BBIP1: variants seen among roughly 807,000 people sequenced by gnomAD.
The protein encoded by BBIP1 is BBSome-interacting protein 1.
BBIP1 carries 6 observed loss-of-function variants against 8.9 expected under a neutral mutation model. That is an observed-to-expected ratio of 0.67 (90% CI 0.37 to 1.33). BBIP1 has a LOEUF of 1.33. Among genes scored for constraint, BBIP1 ranks in the 40% most tolerant of loss-of-function variants. BBIP1 has a pLI of 0.02. For synonymous variants in BBIP1, 32 were observed against 33.4 expected, an observed-to-expected ratio of 0.96 and a Z score of 0.14; for missense variants, 111 against 109.2, an observed-to-expected ratio of 1.02 and a Z score of -0.07.
chr10:110,918,247 C>T (rs922136219), intron 1 of BBIP1, 34 bp from the exon 2 acceptor site: 12 of 1,143,962 alleles, frequency 1.0e-5, no homozygotes, highest in Admixed American at 2.1e-5. Context: ...TTGTAAAGGG[C>T]CATATAAAAG....
intron 2 of BBIP1, among the ~76,000 whole-genome samples, chr10:110,914,773 G>GA (rs370501029): frequency 6.6e-6 from 1 of 152,126 alleles, no homozygotes; most frequent in African/African-American, 2.4e-5. Flanking sequence ...CTAAGAATGG[G>GA]AATTCTTGGG....
At chr10:110,916,131 T>G (rs1846396191) in intron 2 of BBIP1, among the ~76,000 whole-genome samples, 1 of 152,036 alleles carries the variant, frequency 6.6e-6, no homozygotes, top group South Asian at 2.1e-4. Context: ...TTATTTTGCC[T>G]TACTTAAATC....
chr10:110,917,009 C>T (rs1336682836), intron 2 of BBIP1, among the ~76,000 whole-genome samples: 1 of 152,062 alleles, frequency 6.6e-6, no homozygotes, highest in South Asian at 2.1e-4. Flanking sequence ...TGTGACATAT[C>T]CTTGCAAAAA....
At chr10:110,907,174 A>C (rs1389141609) in intron 2 of BBIP1, 5 of 152,332 alleles carry the variant, frequency 3.3e-5, no homozygotes, top group Non-Finnish European at 7.3e-5. Flanking sequence ...TGTCATAGTA[A>C]GATTCTACCA....
At chr10:110,919,218 G>GA (rs1159421067), upstream of BBIP1, 17 of 185,042 alleles carry the variant, frequency 9.2e-5, no homozygotes, top group Admixed American at 5.0e-4. Context: ...AGGAAGCCAG[G>GA]AATCTCCTTT....
At chr10:110,918,013 G>T in intron 2 of BBIP1, 108 bp downstream of exon 2, 4 of 935,156 alleles carry the variant, frequency 4.3e-6, no homozygotes, top group East Asian at 5.3e-5. Flanking sequence ...AACAAGAGTA[G>T]TTCATTTTGG....
intron 2 of BBIP1, among the ~76,000 whole-genome samples, chr10:110,905,965 T>C (rs189563253): frequency 6.6e-6 from 1 of 151,638 alleles, no homozygotes; most frequent in East Asian, 1.9e-4. Flanking sequence ...TGGACCTCTA[T>C]TTCCAACCCA....
chr10:110,904,225 G>A (rs1409027344), intron 2 of BBIP1: 1 of 151,588 alleles, frequency 6.6e-6, no homozygotes, highest in Non-Finnish European at 1.5e-5. Flanking sequence ...CAATTGCCAT[G>A]GCCATTTAAT....
At position 110,900,537 on chromosome 10, in the gene BBIP1, C is replaced by T. The variant is rs548345581; in HGVS notation, c.113-11G>A. On this transcript the variant is annotated splice_polypyrimidine_tract_variant and intron_variant, in intron 3 of 3. Transcript: ENST00000448814. The stretch of plus-strand genomic sequence containing the variant: ...CCACAAACAGTGGCCCTAAGTTTAA[C>T]AAGAAATAAGAATTAATTCAAGAAA... 1.0e-4 allele frequency: 150 copies of T among 1,506,944 alleles called. No homozygotes were observed. Among genetic ancestry groups the T allele is most frequent in the Non-Finnish European group, 1.8e-5 (20 of 1,134,476 alleles). 93.3% of individuals were successfully genotyped at this position (1,506,944 alleles called of 1,614,324 possible).
intron 2 of BBIP1, among the ~76,000 whole-genome samples, chr10:110,916,267 G>C (rs1212753131): frequency 6.6e-6 from 1 of 152,140 alleles, no homozygotes; most frequent in African/African-American, 2.4e-5. Flanking sequence ...TGTCCTCCCA[G>C]AGCATTTTCT....
intron 2 of BBIP1, chr10:110,907,769 C>T: frequency 1.4e-6 from 1 of 702,368 alleles, no homozygotes; most frequent in Admixed American, 2.0e-5. Context: ...GATACAATAA[C>T]CACGTTGTTC....
intron 2 of BBIP1, among the ~76,000 whole-genome samples, chr10:110,910,372 A>G (rs1452090010): frequency 6.6e-6 from 1 of 152,238 alleles, no homozygotes; most frequent in Admixed American, 6.5e-5. Context: ...GTTCACACTC[A>G]GTCTGCAACG....
rs574378438 is a variant in BBIP1, at chr10:110,916,777, G to A, written c.37+1344C>T. 3.3e-5 allele frequency among the ~76,000 whole-genome samples: 5 copies of A among 152,230 alleles called. 1 individual carries two copies. In the South Asian group the frequency reaches 1.0e-3, roughly 32 times the overall value. On this transcript the variant is annotated intron_variant, in intron 2 of 3. Transcript: ENST00000448814. ...GTCATTGCATCAGCTCCAAGAATAGGCAAAGTAGCAGCAACACTTTATTAA... is the reference window on the plus strand; with the variant it reads ...GTCATTGCATCAGCTCCAAGAATAGACAAAGTAGCAGCAACACTTTATTAA...
intron 2 of BBIP1, among the ~76,000 whole-genome samples, chr10:110,914,789 T>C (rs555688108): frequency 3.3e-5 from 5 of 152,220 alleles, no homozygotes; most frequent in Admixed American, 6.5e-5. Flanking sequence ...TTGGGTGAAC[T>C]TGGATGATGC....
intron 1 of BBIP1, among the ~76,000 whole-genome samples, chr10:110,918,604 T>TCC (rs1846501944): frequency 6.6e-6 from 1 of 152,184 alleles, no homozygotes; most frequent in South Asian, 2.1e-4. Context: ...CGCCCCGAGG[T>TCC]CCCCGCCCAT....
intron 2 of BBIP1, chr10:110,912,088 T>C (rs556121332): frequency 6.6e-6 from 1 of 152,078 alleles, no homozygotes; most frequent in South Asian, 2.1e-4. Context: ...TCTTCCTCTA[T>C]AGTTTGGGAA....
Position 110,908,648 on chromosome 10 carries a change from A to C in BBIP1, c.38-7036T>G, listed in dbSNP as rs189886723. ...ACTTAGAAGTATTTGTAAAAATGCC[A>C]TGGGAACACAGAATAGGGAGCAATT... On this transcript the variant is annotated intron_variant, in intron 2 of 3. Coordinates refer to ENST00000448814, the MANE Select transcript of BBIP1 (RefSeq NM_001195305.3). Among the ~76,000 whole-genome samples the C allele has an allele frequency of 3.5e-3, 532 of 152,296 alleles. 2 individuals are homozygous for C. The highest frequency in any genetic ancestry group is 0.012 in the African/African-American group (503 of 41,560).
chr10:110,902,010 G>A (rs1050243508), intron 2 of BBIP1: 1 of 166,146 alleles, frequency 6.0e-6, no homozygotes, highest in Non-Finnish European at 1.3e-5. Flanking sequence ...TTTGATGGGG[G>A]TGGTGAGGCA....
At chr10:110,916,164 A>T (rs1846396951) in intron 2 of BBIP1, among the ~76,000 whole-genome samples, 1 of 152,178 alleles carries the variant, frequency 6.6e-6, no homozygotes. Flanking sequence ...ACACAAGCAA[A>T]TTCCCTTCTA....
Sources: allele counts gnomAD v4.1 joint callset (sites outside exome capture counted in the v4.1 genomes callset), GRCh38; gene constraint gnomAD v4.1.1; transcripts MANE v1.5; gene names NCBI Gene and HGNC (gene_info 2026-07-23, HGNC 2026-07-21).